The following ZNF695 variants were observed in gnomAD, a reference collection of about 807,000 sequenced individuals.
ZNF695 encodes the protein zinc finger protein SBZF3.
A neutral mutation model predicts 11.2 loss-of-function variants in ZNF695; 11 were observed. The ratio of observed to expected loss-of-function variants is 0.98; its 90% CI spans 0.62 to 1.62. ZNF695 has a LOEUF of 1.62. Among genes scored for constraint, ZNF695 ranks in the 40% most tolerant of loss-of-function variants. The pLI is 0.00. For missense variants in ZNF695, 559 were observed against 590.5 expected (o/e 0.95, Z 0.55); for synonymous variants, 190 against 201.4 (o/e 0.94, Z 0.48).
intron 4 of ZNF695, among the ~76,000 whole-genome samples, chr1:246,977,414 A>G (rs1473153536): frequency 6.6e-6 from 1 of 152,118 alleles, no homozygotes; most frequent in Non-Finnish European, 1.5e-5. Context: ...CCGCCACCAT[A>G]CCTGGCTAAT....
chr1:246,988,213 C>T lies in ZNF695; in HGVS notation c.302G>A (p.Gly101Asp), dbSNP rs1402988398. 6.3e-7 allele frequency: 1 copy of T among 1,589,028 alleles called. No individual in the cohort carries two copies. Among genetic ancestry groups the T allele is most frequent in the Non-Finnish European group, 8.5e-7 (1 of 1,171,230 alleles). The change falls in exon 4 of 4, where the codon GGC becomes GAC. Residue 101 changes from glycine (G) to aspartate (D), a missense_variant. Gly to Asp is a moderately conservative substitution (Grantham distance 94). Coordinates refer to ENST00000339986, the MANE Select transcript of ZNF695 (RefSeq NM_020394.5). Reference sequence around the variant, plus strand: ...CACTTTTTGGAATGAAACTTGCAGGCCCTGCTCTGGCAAAATGTCTTCAGT... The same window carrying T: ...CACTTTTTGGAATGAAACTTGCAGGTCCTGCTCTGGCAAAATGTCTTCAGT... ...YLTEDILPEQ[G>D]LQVSFQKVML...
At chr1:246,996,793 C>T (rs1669223174) in intron 3 of ZNF695, among the ~76,000 whole-genome samples, 2 of 152,056 alleles carry the variant, frequency 1.3e-5, no homozygotes, top group Admixed American at 6.5e-5. Context: ...AGAGACTGTA[C>T]GAATCCATTT....
intron 3 of ZNF695, among the ~76,000 whole-genome samples, chr1:246,988,840 C>T (rs1458723173): frequency 6.6e-6 from 1 of 152,072 alleles, no homozygotes; most frequent in African/African-American, 2.4e-5. Context: ...CCTGTAATCC[C>T]AGCACTTTGG....
rs555291399 is a variant in ZNF695 at position 247,008,044 on chromosome 1, G to T, written c.-136C>A. The T allele has an allele frequency of 2.0e-6, 2 of 1,001,932 alleles. No homozygotes were observed. The highest frequency in any genetic ancestry group is 2.7e-6 in the Non-Finnish European group (2 of 747,774). The allele number at this position is 1,001,932 out of a possible 1,614,324, so 62.1% of individuals were successfully genotyped here. On this transcript the variant is annotated 5_prime_UTR_variant, in exon 1 of 4. Transcript: ENST00000339986. ...ACGGGAACCCAGCACCCCGCCGGCC[G>T]CAAGGAGACAAAGGCCCCGCCAGAT...
intron 5 of ZNF695, among the ~76,000 whole-genome samples, chr1:246,964,816 A>G (rs2103007931): frequency 6.6e-6 from 1 of 152,286 alleles, no homozygotes; most frequent in South Asian, 2.1e-4. Context: ...GGTTGCAGTG[A>G]GCTGAGATCG....
Position 246,997,482 on chromosome 1 carries a change from G to A in ZNF695, c.259+1866C>T, listed in dbSNP as rs2380133. Reference sequence around the variant, plus strand: ...CACGCCACTGCACTCCAGCCTGGGCGACAGAGCGAGACTCTGTCTCAAGAA... The same window carrying A: ...CACGCCACTGCACTCCAGCCTGGGCAACAGAGCGAGACTCTGTCTCAAGAA... On this transcript the variant is annotated intron_variant, in intron 3 of 3. Coordinates refer to ENST00000339986, the MANE Select transcript of ZNF695 (RefSeq NM_020394.5). 2.4e-3 allele frequency among the ~76,000 whole-genome samples: 362 copies of A among 151,334 alleles called. 2 individuals are homozygous for A. Among genetic ancestry groups the A allele is most frequent in the African/African-American group, 8.4e-3 (345 of 41,228 alleles).
At chr1:246,964,869 T>C (rs771210479) in intron 5 of ZNF695, among the ~76,000 whole-genome samples, 2 of 150,214 alleles carry the variant, frequency 1.3e-5, no homozygotes, top group Non-Finnish European at 3.0e-5. Flanking sequence ...AGTGAGACTC[T>C]GTCTCAAAAA....
chr1:246,990,646 A>G (rs991663209), intron 3 of ZNF695, among the ~76,000 whole-genome samples: 2 of 152,242 alleles, frequency 1.3e-5, no homozygotes, highest in Non-Finnish European at 2.9e-5. Context: ...GTTTCATGCA[A>G]CAGCTGCAGA....
intron 3 of ZNF695, among the ~76,000 whole-genome samples, chr1:246,993,567 T>C (rs1173532275): frequency 1.3e-5 from 2 of 152,166 alleles, no homozygotes; most frequent in Non-Finnish European, 2.9e-5. Context: ...AGGTGGCTTT[T>C]TGTTAATTTC....
intron 3 of ZNF695, among the ~76,000 whole-genome samples, chr1:246,994,729 C>T (rs1215681838): frequency 6.6e-6 from 1 of 151,748 alleles, no homozygotes; most frequent in African/African-American, 2.4e-5. Context: ...CCCAGCTACT[C>T]GGGAGGCTGA....
At chr1:246,991,390 C>T (rs887235742) in intron 3 of ZNF695, among the ~76,000 whole-genome samples, 6 of 152,060 alleles carry the variant, frequency 3.9e-5, no homozygotes, top group Admixed American at 2.6e-4. Context: ...AAGAGATTAA[C>T]AACCACAAGT....
chr1:246,977,155 T>C (rs749647797), intron 4 of ZNF695, among the ~76,000 whole-genome samples: 5 of 152,214 alleles, frequency 3.3e-5, no homozygotes, highest in Non-Finnish European at 7.3e-5. Flanking sequence ...ACAAAAACTT[T>C]CATATGTGCC....
intron 5 of ZNF695, among the ~76,000 whole-genome samples, chr1:246,965,354 C>A (rs546735114): frequency 1.4e-4 from 19 of 131,894 alleles, no homozygotes; most frequent in African/African-American, 5.0e-4. Flanking sequence ...GAGACTCTGT[C>A]TCAAAAAAAA....
intron 5 of ZNF695, among the ~76,000 whole-genome samples, chr1:246,949,933 C>T (rs764492999): frequency 8.5e-5 from 13 of 152,118 alleles, no homozygotes; most frequent in Non-Finnish European, 1.8e-4. Flanking sequence ...AGAATTAATT[C>T]GGCTTCAGAT....
intron 4 of ZNF695, among the ~76,000 whole-genome samples, chr1:246,975,944 T>C (rs1223743226): frequency 6.6e-6 from 1 of 152,090 alleles, no homozygotes; most frequent in Non-Finnish European, 1.5e-5. Context: ...AATAACTTAT[T>C]CTATTAGGCA....
At chr1:246,965,019 C>T (rs908920558) in intron 5 of ZNF695, among the ~76,000 whole-genome samples, 5 of 152,096 alleles carry the variant, frequency 3.3e-5, no homozygotes, top group Non-Finnish European at 5.9e-5. Flanking sequence ...TGGATTAATC[C>T]ATGGGTTAAC....
At chr1:246,980,178 T>TA (rs71566679) in intron 4 of ZNF695, among the ~76,000 whole-genome samples, 2,920 of 88,710 alleles carry the variant, frequency 0.033, 136 homozygotes, top group African/African-American at 0.08. Flanking sequence ...ACTCTGTATT[T>TA]AAAAAAAAAA....
intron 5 of ZNF695, among the ~76,000 whole-genome samples, chr1:246,962,702 T>C (rs1668191425): frequency 6.6e-6 from 1 of 151,948 alleles, no homozygotes; most frequent in East Asian, 1.9e-4. Flanking sequence ...CTTTCTTTTT[T>C]TTTTTTTTGA....
intron 5 of ZNF695, among the ~76,000 whole-genome samples, chr1:246,965,315 C>T (rs1668260002): frequency 6.7e-6 from 1 of 149,810 alleles, no homozygotes; most frequent in Non-Finnish European, 1.5e-5. Context: ...CGAGATAGCG[C>T]CACTGCACTC....
Sources: gnomAD v4.1 joint callset for allele counts (sites outside exome capture counted in the v4.1 genomes callset) on GRCh38, gnomAD v4.1.1 for gene constraint, MANE v1.5 for transcripts, NCBI Gene and HGNC (gene_info 2026-07-23, HGNC 2026-07-21) for gene names.